The following NUP85 variants were observed in gnomAD, a reference collection of about 807,000 sequenced individuals.
The protein encoded by NUP85 is nuclear pore complex protein Nup85.
NUP85 carries 23 observed loss-of-function variants against 92.8 expected under a neutral mutation model. The ratio of observed to expected loss-of-function variants is 0.25; its 90% confidence interval spans 0.18 to 0.35. NUP85 has a LOEUF of 0.35. Ranked by LOEUF, NUP85 falls within the 10% of genes least tolerant of loss-of-function variation. The probability of loss-of-function intolerance (pLI) is 1.00; values close to 1 mark genes in which losing one functional copy is unlikely to be tolerated. For synonymous variants in NUP85, 314 were observed against 306.9 expected (o/e 1.02, Z -0.24); for missense variants, 759 against 822.8 (o/e 0.92, Z 0.95).
At position 75,212,228 on chromosome 17, in the gene NUP85, G is replaced by GTTTTTTTTTTTTTTTTTTT. The variant is rs768963282; in HGVS notation, c.361+166_361+167insTTTTTTTTTTTTTTTTTTT. Reference sequence around the variant, plus strand: ...CTTACTTTTTTGGTAATCATTTAGAGGTTTTTTTTTTTGTTGTTGTTTTTT... The same window carrying GTTTTTTTTTTTTTTTTTTT: ...CTTACTTTTTTGGTAATCATTTAGAGTTTTTTTTTTTTTTTTTTTGTTTTTTTTTTTGTTGTTGTTTTTT... On this transcript the variant is annotated intron_variant, in intron 4 of 18. Coordinates refer to ENST00000245544, the MANE Select transcript of NUP85 (RefSeq NM_024844.5). Among the ~76,000 whole-genome samples the GTTTTTTTTTTTTTTTTTTT allele has an allele frequency of 4.7e-5, 4 of 84,564 alleles. 2 individuals carry two copies. The highest frequency in any genetic ancestry group is 2.9e-4 in the Admixed American group (2 of 6,928). 55.5% of individuals were successfully genotyped at this position (84,564 alleles called of 152,430 possible).
intron 16 of NUP85, among the ~76,000 whole-genome samples, chr17:75,233,389 TTCTCTTTC>T (rs1304614750): frequency 5.0e-5 from 1 of 20,100 alleles, no homozygotes; most frequent in East Asian, 9.8e-3. Flanking sequence ...CTCTCTTTCT[TTCTCTTTC>T]TCTTTCTCTT....
chr17:75,221,645 T>C (rs2075601786), intron 7 of NUP85, among the ~76,000 whole-genome samples: 1 of 152,160 alleles, frequency 6.6e-6, no homozygotes, highest in Non-Finnish European at 1.5e-5. Context: ...TTAAATTAGT[T>C]AAAGGACATA....
chr17:75,232,255 C>A (rs964273512), intron 14 of NUP85: 3 of 441,778 alleles, frequency 6.8e-6, no homozygotes, highest in African/African-American at 2.0e-5. Context: ...GAGGTCAGGG[C>A]TGGGGTTGGC....
chr17:75,218,934 A>G (rs548604441), intron 7 of NUP85, among the ~76,000 whole-genome samples: 1 of 151,884 alleles, frequency 6.6e-6, no homozygotes, highest in East Asian at 1.9e-4. Context: ...ACCAATTGAC[A>G]GGGGCTGGGG....
At chr17:75,230,841 A>G in intron 11 of NUP85, among the ~76,000 whole-genome samples, 1 of 151,494 alleles carries the variant, frequency 6.6e-6, no homozygotes, top group East Asian at 1.9e-4. Flanking sequence ...AATTGCTTGA[A>G]CCTGGGAGGC....
intron 5 of NUP85, among the ~76,000 whole-genome samples, chr17:75,215,350 C>T (rs893245614): frequency 1.3e-5 from 2 of 152,068 alleles, no homozygotes; most frequent in South Asian, 2.1e-4. Flanking sequence ...GCTGAGACTG[C>T]GGGGATATGT....
chr17:75,233,600 T>G (rs1358184073), intron 16 of NUP85, among the ~76,000 whole-genome samples: 2 of 151,358 alleles, frequency 1.3e-5, no homozygotes, highest in African/African-American at 4.9e-5. Context: ...TTTTGTATTT[T>G]ATTTATTTAT....
chr17:75,213,520 T>C (rs1372577875), intron 5 of NUP85, among the ~76,000 whole-genome samples: 1 of 152,054 alleles, frequency 6.6e-6, no homozygotes, highest in Non-Finnish European at 1.5e-5. Flanking sequence ...CTTGAACTTT[T>C]GACCTCAAGT....
At chr17:75,220,884 T>G (rs990410264) in intron 7 of NUP85, among the ~76,000 whole-genome samples, 26 of 146,968 alleles carry the variant, frequency 1.8e-4, no homozygotes, top group African/African-American at 6.0e-4. Flanking sequence ...CCCAATTTTT[T>G]TTTTTTTTTT....
At position 75,225,816 on chromosome 17, in the gene NUP85, A is replaced by T. The variant is rs930206963; in HGVS notation, c.974A>T (p.His325Leu). The T allele has an allele frequency of 6.2e-7, 1 of 1,614,042 alleles. No individual in the cohort carries two copies. The highest frequency in any genetic ancestry group is 1.3e-5 in the African/African-American group (1 of 74,986). ...CCCACAGTAAAACCCATTGATCTGC[A>T]CTACTATGCCCAGGTGAGTGAGCTC... ...SNPTVKPIDLHYYAQSSLDLF... is the reference protein window; with the variant it reads ...SNPTVKPIDLLYYAQSSLDLF... The change falls in exon 10 of 19, where the codon CAC becomes CTC. Residue 325 changes from histidine to leucine, a missense_variant. Coordinates refer to ENST00000245544, the MANE Select transcript of NUP85 (RefSeq NM_024844.5).
At chr17:75,214,080 G>C (rs191319724) in intron 5 of NUP85, among the ~76,000 whole-genome samples, 2 of 151,822 alleles carry the variant, frequency 1.3e-5, no homozygotes, top group Non-Finnish European at 2.9e-5. Flanking sequence ...TCCTGACCTC[G>C]TGATCTGCCT....
chr17:75,209,767 C>A, intron 2 of NUP85, 56 bp from the exon 3 acceptor site: 1 of 1,447,254 alleles, frequency 6.9e-7, no homozygotes, highest in Non-Finnish European at 9.2e-7. Flanking sequence ...AGAGTAGATT[C>A]ACTTTTGGAG....
intron 5 of NUP85, 89 bp downstream of exon 5, chr17:75,213,208 C>A: frequency 3.6e-6 from 4 of 1,122,410 alleles, no homozygotes; most frequent in African/African-American, 1.5e-5. Context: ...CCTGTTATGG[C>A]AGAAGTCTCT....
Position 75,229,083 on chromosome 17 carries a change from G to A in NUP85, c.1095-2257G>A, listed in dbSNP as rs573169713. Reference sequence around the variant, plus strand: ...TTCACTGGGAGTTGGGCAAGATGTCGGCAGTTTCCTGGTGCCCTTCAAGTC... The same window carrying A: ...TTCACTGGGAGTTGGGCAAGATGTCAGCAGTTTCCTGGTGCCCTTCAAGTC... On this transcript the variant is annotated intron_variant, in intron 11 of 18. Coordinates refer to ENST00000245544, the MANE Select transcript of NUP85 (RefSeq NM_024844.5). 61 of 985,454 alleles carry A rather than the reference G, an allele frequency of 6.2e-5. No individual in the cohort carries two copies. The African/African-American group carries it at 7.1e-4, about 12-fold the overall frequency. 61.0% of individuals were successfully genotyped at this position (985,454 alleles called of 1,614,324 possible). A position where few individuals can be genotyped will look rare whatever the true frequency, so the allele number is the denominator to read the frequency against.
chr17:75,215,730 A>C, intron 5 of NUP85, 24 bp from the exon 6 acceptor site: 1 of 1,610,052 alleles, frequency 6.2e-7, no homozygotes, highest in African/African-American at 1.3e-5. Context: ...TTTCAGGTGA[A>C]ACCTGTCCCC....
At chr17:75,219,145 A>G (rs2075523329) in intron 7 of NUP85, among the ~76,000 whole-genome samples, 1 of 152,174 alleles carries the variant, frequency 6.6e-6, no homozygotes, top group Admixed American at 6.5e-5. Flanking sequence ...CTAAACTTAT[A>G]AAGCCTGAAA....
chr17:75,220,947 T>C (rs1040244647), intron 7 of NUP85, among the ~76,000 whole-genome samples: 8 of 148,710 alleles, frequency 5.4e-5, no homozygotes, highest in Non-Finnish European at 7.4e-5. Flanking sequence ...AGTGGCACGA[T>C]CTCGGCTCGC....
At chr17:75,228,968 C>T (rs2075934481) in intron 11 of NUP85, 1 of 985,474 alleles carries the variant, frequency 1.0e-6, no homozygotes, top group Non-Finnish European at 1.2e-6. Flanking sequence ...GAGTCCTCCA[C>T]AGGGTCCCTT....
At chr17:75,212,086 GC>G in intron 4 of NUP85, 24 bp downstream of exon 4, 1 of 1,318,856 alleles carries the variant, frequency 7.6e-7, no homozygotes, top group East Asian at 2.6e-5. Context: ...GCGCGTGCGC[GC>G]GTGTGTGTGT....
Sources: gnomAD v4.1 joint callset for allele counts (sites outside exome capture counted in the v4.1 genomes callset) on GRCh38, gnomAD v4.1.1 for gene constraint, MANE v1.5 for transcripts, NCBI Gene and HGNC (gene_info 2026-07-23, HGNC 2026-07-21) for gene names.